Variants in SLC28A1 observed in about 807,000 individuals in gnomAD.
The protein encoded by SLC28A1 is sodium/nucleoside cotransporter 1.
SLC28A1 carries 64 observed loss-of-function variants against 74.8 expected under a neutral mutation model. The observed-to-expected ratio is 0.86, with a 90% CI of 0.70 to 1.05. SLC28A1 has a LOEUF of 1.05. SLC28A1 is among the 50% of genes least tolerant of loss of function. The pLI is 0.00. For synonymous variants in SLC28A1, 359 were observed against 335.0 expected, an observed-to-expected ratio of 1.07 and a Z score of -0.78; for missense variants, 828 against 822.8, an observed-to-expected ratio of 1.01 and a Z score of -0.08.
At chr15:84,922,379 C>G (rs542656185) in intron 11 of SLC28A1, among the ~76,000 whole-genome samples, 4 of 152,284 alleles carry the variant, frequency 2.6e-5, no homozygotes, top group Admixed American at 1.3e-4. Context: ...CAAGCCCTTC[C>G]CCTCTTGGCA....
chr15:84,889,705 CTTCT>C (rs796562961), intron 4 of SLC28A1, among the ~76,000 whole-genome samples: 51 of 32,848 alleles, frequency 1.6e-3, no homozygotes, highest in South Asian at 0.013. Flanking sequence ...TCCTTCCTTC[CTTCT>C]TTCCTTCCTT....
At chr15:84,915,519 G>A (rs934610898) in intron 9 of SLC28A1, among the ~76,000 whole-genome samples, 4 of 152,120 alleles carry the variant, frequency 2.6e-5, no homozygotes, top group African/African-American at 9.7e-5. Flanking sequence ...TTCTTGCAAG[G>A]GCTGTCCATT....
At chr15:84,958,898 A>C in the SLC28A1 span, among the ~76,000 whole-genome samples, 4,252 of 151,790 alleles carry the variant, frequency 0.028, 349 homozygotes, top group East Asian at 0.17. Context: ...CCAAGAGTTC[A>C]AGACCAGCTT....
rs377457535 is a variant in SLC28A1 at position 84,944,719 on chromosome 15, C to G, written c.1763-37C>G. ...TGGAACCCTGACTTTCTGGCTAGCC[C>G]GGGGGCCCTGCCCCACCCACCACTT... is the stretch of plus-strand genomic sequence containing the variant. On this transcript the variant is annotated intron_variant, in intron 17 of 18. Coordinates refer to ENST00000394573, the MANE Select transcript of SLC28A1 (RefSeq NM_004213.5). The G allele has an allele frequency of 9.6e-6, 14 of 1,456,312 alleles. No individual in the cohort carries two copies. In the East Asian group the frequency reaches 1.0e-4, roughly 10 times the overall value. 90.2% of individuals were successfully genotyped at this position (1,456,312 alleles called of 1,614,324 possible). A position where few individuals can be genotyped will look rare whatever the true frequency, so the allele number is the denominator to read the frequency against.
At position 84,928,527 on chromosome 15, in the gene SLC28A1, G is replaced by A. The variant is rs7181068; in HGVS notation, c.1083+4417G>A. Among the ~76,000 whole-genome samples the A allele has an allele frequency of 3.2e-4, 15 of 47,174 alleles. 2 individuals are homozygous for A. Among genetic ancestry groups the A allele is most frequent in the African/African-American group, 1.5e-3 (13 of 8,608 alleles). The allele number at this position is 47,174 out of a possible 152,430, so 30.9% of individuals were successfully genotyped here. On this transcript the variant is annotated intron_variant, in intron 12 of 18. Transcript: ENST00000394573. ...TTCCTTCAAGCTCCCAGGTTCGTTCGTTCTTTCTTTCTTTCTTTCTTTCTT... is the reference window on the plus strand; with the variant it reads ...TTCCTTCAAGCTCCCAGGTTCGTTCATTCTTTCTTTCTTTCTTTCTTTCTT...
intron 4 of SLC28A1, among the ~76,000 whole-genome samples, chr15:84,889,755 TCC>T (rs760603092): frequency 0.11 from 5,169 of 48,864 alleles, 268 homozygotes; most frequent in Non-Finnish European, 0.17. Context: ...CTTCCTTCCT[TCC>T]TTCCTTCCTT....
At chr15:84,941,863 G>A (rs1037757436) in intron 15 of SLC28A1, among the ~76,000 whole-genome samples, 3 of 152,262 alleles carry the variant, frequency 2.0e-5, no homozygotes, top group South Asian at 2.1e-4. Context: ...TGTTAAATTC[G>A]TGAAATAACG....
rs192494310 is a variant in SLC28A1 at position 84,901,425 on chromosome 15, C to G, written c.462-2672C>G. ...GGGAGACTGAGGCAGGAGAATTGCTCGAACCCAGGAGGTGGAAGTTGTAGT... is the reference window on the plus strand; with the variant it reads ...GGGAGACTGAGGCAGGAGAATTGCTGGAACCCAGGAGGTGGAAGTTGTAGT... On this transcript the variant is annotated intron_variant, in intron 6 of 18. Transcript: ENST00000394573. Among the ~76,000 whole-genome samples the G allele has an allele frequency of 2.5e-3, 374 of 152,070 alleles. 7 individuals are homozygous for G. Among genetic ancestry groups the G allele is most frequent in the Admixed American group, 0.02 (301 of 15,266 alleles).
chr15:84,951,513 T>C, the SLC28A1 span, among the ~76,000 whole-genome samples: 1 of 152,014 alleles, frequency 6.6e-6, no homozygotes, highest in African/African-American at 2.4e-5. Context: ...GCACAAACTT[T>C]ATGTGAGAGG....
At chr15:84,926,575 T>C (rs185487521) in intron 12 of SLC28A1, 1 of 453,434 alleles carries the variant, frequency 2.2e-6, no homozygotes, top group East Asian at 7.1e-5. Context: ...TTCTCACAAG[T>C]GTTCAAGAAA....
At chr15:84,932,564 C>A (rs1343094409) in intron 12 of SLC28A1, among the ~76,000 whole-genome samples, 1 of 152,190 alleles carries the variant, frequency 6.6e-6, no homozygotes, top group African/African-American at 2.4e-5. Context: ...GGTGAGTTCC[C>A]CGTCACAGTA....
At chr15:84,898,571 T>G (rs956854481) in intron 6 of SLC28A1, among the ~76,000 whole-genome samples, 71 of 110,084 alleles carry the variant, frequency 6.4e-4, no homozygotes, top group African/African-American at 2.3e-3. Context: ...AGAGCAAGAC[T>G]CCATCACCAA....
At chr15:84,907,804 C>A (rs1359103950) in intron 8 of SLC28A1, among the ~76,000 whole-genome samples, 3 of 152,216 alleles carry the variant, frequency 2.0e-5, no homozygotes, top group Non-Finnish European at 4.4e-5. Flanking sequence ...GAGAACCCTG[C>A]CGGTCCAGGA....
chr15:84,889,057 T>G (rs1237428094), intron 4 of SLC28A1, among the ~76,000 whole-genome samples, 197 bp downstream of exon 4: 1 of 152,186 alleles, frequency 6.6e-6, no homozygotes, highest in Non-Finnish European at 1.5e-5. Flanking sequence ...CCCCACCTGC[T>G]TTTGAACAGC....
At chr15:84,955,352 G>A in the SLC28A1 span, among the ~76,000 whole-genome samples, 1 of 152,154 alleles carries the variant, frequency 6.6e-6, no homozygotes, top group Non-Finnish European at 1.5e-5. Context: ...ACAGATAACT[G>A]GAAGAGCCTC....
chr15:84,889,049 C>T (rs1347116226), intron 4 of SLC28A1, among the ~76,000 whole-genome samples, 189 bp downstream of exon 4: 1 of 152,186 alleles, frequency 6.6e-6, no homozygotes, highest in Non-Finnish European at 1.5e-5. Flanking sequence ...CACAGGCTCC[C>T]CACCTGCTTT....
chr15:84,945,982 CCTAAGTAGCTAGGAT>C (rs1273956154), downstream of SLC28A1, among the ~76,000 whole-genome samples: 3 of 147,690 alleles, frequency 2.0e-5, no homozygotes, highest in African/African-American at 7.5e-5. Context: ...ACCTCAGCCT[CCTAAGTAGCTAGGAT>C]CATAGGCATG....
chr15:84,898,408 C>A lies in SLC28A1; in HGVS notation c.461+3285C>A, dbSNP rs932590824. On this transcript the variant is annotated intron_variant, in intron 6 of 18. Transcript: ENST00000394573. ...CCTGGCTAACATGGTGAAACCACAT[C>A]TCTACTAAAAATACAAAAAAATTAG... Among the ~76,000 whole-genome samples the A allele has an allele frequency of 2.6e-5, 4 of 152,134 alleles. No individual in the cohort carries two copies. The East Asian group carries it at 5.8e-4, about 22-fold the overall frequency.
intron 5 of SLC28A1, among the ~76,000 whole-genome samples, chr15:84,891,210 A>G (rs1965337812): frequency 6.6e-6 from 1 of 152,122 alleles, no homozygotes; most frequent in Non-Finnish European, 1.5e-5. Context: ...GGAGATGGAG[A>G]CATTGAGGAC....
Sources: gnomAD v4.1 joint callset for allele counts (sites outside exome capture counted in the v4.1 genomes callset) on GRCh38, gnomAD v4.1.1 for gene constraint, MANE v1.5 for transcripts, NCBI Gene and HGNC (gene_info 2026-07-23, HGNC 2026-07-21) for gene names.